Variants in MAGI1 observed in about 807,000 individuals in gnomAD.
MAGI1 encodes the protein membrane-associated guanylate kinase, WW and PDZ domain-containing protein 1.
In MAGI1, 58 loss-of-function variants were observed where a neutral mutation model predicts 139.9. That is an observed-to-expected ratio of 0.41 (90% CI 0.34 to 0.52). The LOEUF (loss-of-function observed/expected upper bound fraction) is 0.52, where lower values mean the gene tolerates loss of function less well. Among genes scored for constraint, MAGI1 ranks in the 20% least tolerant of loss-of-function variants. MAGI1 has a pLI of 0.12. For synonymous variants in MAGI1, 812 were observed against 737.9 expected (o/e 1.10, Z -1.63); for missense variants, 1,874 against 1,901.6 (o/e 0.99, Z 0.27).
intron 2 of MAGI1, among the ~76,000 whole-genome samples, chr3:65,607,283 T>C (rs948256575): frequency 2.0e-5 from 3 of 151,724 alleles, no homozygotes; most frequent in African/African-American, 7.3e-5. Flanking sequence ...CTCCTGACTT[T>C]CCCCTTCCTG....
At chr3:65,877,231 A>T (rs2060151748) in intron 1 of MAGI1, among the ~76,000 whole-genome samples, 1 of 152,112 alleles carries the variant, frequency 6.6e-6, no homozygotes, top group Non-Finnish European at 1.5e-5. Context: ...CCTTTATACA[A>T]ATTAAGTAGT....
intron 1 of MAGI1, among the ~76,000 whole-genome samples, chr3:65,712,545 C>T (rs2031616546): frequency 6.6e-6 from 1 of 151,878 alleles, no homozygotes; most frequent in East Asian, 1.9e-4. Flanking sequence ...CAGAGTTTCA[C>T]TCCGTCACTC....
At chr3:65,429,456 G>C in intron 12 of MAGI1, 64 bp downstream of exon 12, 3 of 1,482,518 alleles carry the variant, frequency 2.0e-6, no homozygotes, top group Non-Finnish European at 1.8e-6. Context: ...ATCTGAAGAT[G>C]AGTAAGTTAA....
intron 3 of MAGI1, among the ~76,000 whole-genome samples, chr3:65,489,709 G>C (rs1951869668): frequency 6.6e-6 from 1 of 152,176 alleles, no homozygotes; most frequent in Non-Finnish European, 1.5e-5. Flanking sequence ...GGTATGTTAA[G>C]GGCAAACGGC....
intron 2 of MAGI1, among the ~76,000 whole-genome samples, chr3:65,615,870 C>G (rs1416887392): frequency 6.6e-6 from 1 of 152,154 alleles, no homozygotes; most frequent in Non-Finnish European, 1.5e-5. Flanking sequence ...AAATAGGAAA[C>G]CACGTACAAG....
intron 3 of MAGI1, among the ~76,000 whole-genome samples, chr3:65,489,044 T>C (rs2107651959): frequency 6.7e-6 from 1 of 150,258 alleles, no homozygotes; most frequent in Non-Finnish European, 1.5e-5. Flanking sequence ...CCAGAGTGCC[T>C]GAATCTGAAT....
intron 3 of MAGI1, among the ~76,000 whole-genome samples, chr3:65,490,646 C>T (rs886836264): frequency 5.9e-5 from 9 of 151,708 alleles, no homozygotes; most frequent in African/African-American, 2.2e-4. Context: ...GAGATCGAGA[C>T]CATCCTGGCC....
chr3:66,036,260 G>A lies in MAGI1; in HGVS notation c.313+1736C>T, dbSNP rs140159628. On this transcript the variant is annotated intron_variant, in intron 1 of 22. Coordinates refer to ENST00000402939, the MANE Select transcript of MAGI1 (RefSeq NM_001033057.2). ...ACTTACTATGTACAGGCACTGTTGG[G>A]TGCACTTTCCACGTGTTAGCTTATG... Among the ~76,000 whole-genome samples the A allele has an allele frequency of 4.5e-3, 682 of 152,288 alleles. 2 individuals carry two copies. The highest frequency in any genetic ancestry group is 0.015 in the African/African-American group (615 of 41,552).
At chr3:65,559,210 T>C (rs2080224904) in intron 2 of MAGI1, among the ~76,000 whole-genome samples, 1 of 152,224 alleles carries the variant, frequency 6.6e-6, no homozygotes, top group South Asian at 2.1e-4. Flanking sequence ...TTAGCAGAAA[T>C]GTTATTTTCT....
chr3:65,624,532 T>C (rs1345892289), intron 1 of MAGI1, among the ~76,000 whole-genome samples: 2 of 152,198 alleles, frequency 1.3e-5, no homozygotes, highest in Non-Finnish European at 2.9e-5. Flanking sequence ...GATAAAATAT[T>C]GCATGATTTC....
In MAGI1 at chr3:65,624,315, TAGATG is replaced by T. The variant is rs557366672; in HGVS notation, c.314-2232_314-2228del. Among the ~76,000 whole-genome samples, 649 of 151,744 alleles carry T rather than the reference TAGATG, an allele frequency of 4.3e-3. 4 individuals are homozygous for T. Among genetic ancestry groups the T allele is most frequent in the Non-Finnish European group, 7.1e-3 (480 of 67,920 alleles). ...CAAGTCCACAAAAAAAAAAATCTCG[TAGATG>T]AATCTTCACAGCAACTTTACTTACA... On this transcript the variant is annotated intron_variant, in intron 1 of 22. Transcript: ENST00000402939.
intron 1 of MAGI1, among the ~76,000 whole-genome samples, chr3:65,779,376 G>A (rs1038003941): frequency 6.6e-6 from 1 of 152,244 alleles, no homozygotes; most frequent in Non-Finnish European, 1.5e-5. Context: ...CCCAAGGTAA[G>A]AAGGGCCGGG....
At position 65,895,320 on chromosome 3, in the gene MAGI1, C is replaced by T. The variant is rs952094711; in HGVS notation, c.313+142676G>A. 2.0e-5 allele frequency among the ~76,000 whole-genome samples: 3 copies of T among 152,168 alleles called. No homozygotes were observed. In the East Asian group the frequency reaches 5.8e-4, roughly 29 times the overall value. Reference sequence around the variant, plus strand: ...AAACTTCAGCACCTCTTCTCCAGCCCCTATTCTCTCCACTCAATGTCTTAA... The same window carrying T: ...AAACTTCAGCACCTCTTCTCCAGCCTCTATTCTCTCCACTCAATGTCTTAA... On this transcript the variant is annotated intron_variant, in intron 1 of 22. Transcript: ENST00000402939.
chr3:65,482,680 C>T (rs906603294), intron 3 of MAGI1, among the ~76,000 whole-genome samples: 6 of 152,178 alleles, frequency 3.9e-5, no homozygotes, highest in African/African-American at 1.4e-4. Flanking sequence ...GTACTGAAAC[C>T]TACAACCTTT....
intron 1 of MAGI1, among the ~76,000 whole-genome samples, chr3:65,722,818 G>A (rs1291760034): frequency 2.6e-5 from 4 of 151,938 alleles, no homozygotes. Flanking sequence ...CCACATTTCT[G>A]TAAAGGAACA....
intron 2 of MAGI1, among the ~76,000 whole-genome samples, chr3:65,597,309 C>T (rs1231440756): frequency 6.7e-6 from 1 of 149,690 alleles, no homozygotes; most frequent in East Asian, 2.0e-4. Context: ...CTCCAAAAGC[C>T]CGGGCTGACG....
chr3:65,470,664 C>T (rs1950506117), intron 4 of MAGI1, among the ~76,000 whole-genome samples, 180 bp from the exon 5 acceptor site: 1 of 152,082 alleles, frequency 6.6e-6, no homozygotes, highest in Non-Finnish European at 1.5e-5. Context: ...GATGTCTGTG[C>T]CTTAATTAGA....
chr3:66,021,884 C>A (rs1323914364), intron 1 of MAGI1, among the ~76,000 whole-genome samples: 1 of 152,150 alleles, frequency 6.6e-6, no homozygotes. Flanking sequence ...TTTCCATTCA[C>A]CCAAATCCAA....
chr3:65,986,071 T>A (rs1321929863), intron 1 of MAGI1, among the ~76,000 whole-genome samples: 4 of 152,194 alleles, frequency 2.6e-5, no homozygotes, highest in Non-Finnish European at 5.9e-5. Context: ...AAGGAGCAAA[T>A]GGGCCAGATG....
Sources: allele counts gnomAD v4.1 joint callset (sites outside exome capture counted in the v4.1 genomes callset), GRCh38; gene constraint gnomAD v4.1.1; transcripts MANE v1.5; gene names NCBI Gene and HGNC (gene_info 2026-07-23, HGNC 2026-07-21).